PTGFRN: variants seen among roughly 807,000 people sequenced by gnomAD.
PTGFRN encodes the protein prostaglandin F2 receptor inhibitor.
A neutral mutation model predicts 83.2 loss-of-function variants in PTGFRN; 35 were observed. The ratio of observed to expected loss-of-function variants is 0.42; its 90% CI spans 0.32 to 0.56. PTGFRN has a LOEUF of 0.56. Ranked by LOEUF, PTGFRN falls within the 20% of genes least tolerant of loss-of-function variation. PTGFRN has a pLI of 0.11. For synonymous variants in PTGFRN, 519 were observed against 498.6 expected, an observed-to-expected ratio of 1.04 and a Z score of -0.55; for missense variants, 1,051 against 1,179.5, an observed-to-expected ratio of 0.89 and a Z score of 1.60.
rs1651059791 is a variant in PTGFRN, at chr1:116,973,462, G to A, written c.2060-754G>A. The stretch of plus-strand genomic sequence containing the variant: ...TCTACTAAAAATACAAAAATTTGCG[G>A]GGCGTAGTGGCATGTGCCTGTAATC... On this transcript the variant is annotated intron_variant, in intron 6 of 8. Transcript: ENST00000393203. Among the ~76,000 whole-genome samples the A allele has an allele frequency of 2.6e-5, 4 of 151,858 alleles. No individual in the cohort carries two copies. In the South Asian group the frequency reaches 8.4e-4, roughly 32 times the overall value.
chr1:116,974,339 C>G lies in PTGFRN; in HGVS notation c.2167+16C>G. The G allele has an allele frequency of 1.3e-6, 2 of 1,533,190 alleles. No individual in the cohort carries two copies. The highest frequency in any genetic ancestry group is 1.8e-6 in the Non-Finnish European group (2 of 1,107,508). The allele number at this position is 1,533,190 out of a possible 1,614,324, so 95.0% of individuals were successfully genotyped here. On this transcript the variant is annotated intron_variant, in intron 7 of 8. Coordinates refer to ENST00000393203, the MANE Select transcript of PTGFRN (RefSeq NM_020440.4). ...CTGGATCCAGGTACCTCACTCCATC[C>G]TCACCCCTTCACCATGTTGCTTTCT...
At chr1:116,931,879 G>A (rs1486211677) in intron 1 of PTGFRN, among the ~76,000 whole-genome samples, 7 of 152,172 alleles carry the variant, frequency 4.6e-5, no homozygotes, top group East Asian at 1.9e-4. Context: ...GTAAGGACTC[G>A]GGAAGTGGGA....
At chr1:116,983,032 A>C in intron 7 of PTGFRN, among the ~76,000 whole-genome samples, 1 of 152,118 alleles carries the variant, frequency 6.6e-6, no homozygotes, top group East Asian at 1.9e-4. Context: ...TGAGCTGTGG[A>C]GATAATGTTG....
At chr1:116,942,946 G>A (rs892861710) in intron 2 of PTGFRN, among the ~76,000 whole-genome samples, 1 of 152,124 alleles carries the variant, frequency 6.6e-6, no homozygotes, top group Non-Finnish European at 1.5e-5. Context: ...ATTAGTAAAC[G>A]AGCAAGAACA....
chr1:116,980,744 T>C (rs538328021), intron 7 of PTGFRN, among the ~76,000 whole-genome samples: 15 of 152,276 alleles, frequency 9.9e-5, no homozygotes, highest in Admixed American at 6.5e-4. Context: ...TTAGGAGATA[T>C]ACCTAATGTA....
intron 7 of PTGFRN, among the ~76,000 whole-genome samples, chr1:116,978,048 C>A (rs986487486): frequency 1.3e-5 from 2 of 152,238 alleles, no homozygotes; most frequent in African/African-American, 4.8e-5. Flanking sequence ...GATATCACCA[C>A]TGATCCCACA....
intron 8 of PTGFRN, among the ~76,000 whole-genome samples, chr1:116,985,603 GAGGCT>G (rs1480161413): frequency 6.6e-6 from 1 of 152,046 alleles, no homozygotes; most frequent in Non-Finnish European, 1.5e-5. Context: ...CAGCTACTCG[GAGGCT>G]GAAGCAGGAG....
rs746038185 is a variant in PTGFRN, at chr1:116,961,748, C to G, written c.1639+80C>G. Reference sequence around the variant, plus strand: ...CGCTGTGTGTTGATGCACAGTCACCCTCTGCAGGTTATCACTTACACTAGG... The same window carrying G: ...CGCTGTGTGTTGATGCACAGTCACCGTCTGCAGGTTATCACTTACACTAGG... On this transcript the variant is annotated intron_variant, in intron 5 of 8. Transcript: ENST00000393203. The surrounding 1 kb of genome is among the most constrained non-coding windows in gnomAD (Gnocchi z 5.4). 3.9e-5 allele frequency: 52 copies of G among 1,325,180 alleles called. 1 individual carries two copies. The highest frequency in any genetic ancestry group is 5.3e-5 in the Non-Finnish European group (51 of 968,850). 82.1% of individuals were successfully genotyped at this position (1,325,180 alleles called of 1,614,324 possible).
At chr1:116,936,505 A>AGG (rs1387991914) in intron 1 of PTGFRN, among the ~76,000 whole-genome samples, 1 of 152,204 alleles carries the variant, frequency 6.6e-6, no homozygotes, top group Non-Finnish European at 1.5e-5. Flanking sequence ...ACATGAAGGA[A>AGG]GGAGTACCTA....
intron 7 of PTGFRN, among the ~76,000 whole-genome samples, chr1:116,975,772 A>G (rs1336351543): frequency 6.6e-6 from 1 of 152,212 alleles, no homozygotes; most frequent in Non-Finnish European, 1.5e-5. Context: ...AAAGATGGGG[A>G]AAAAACAGAG....
chr1:116,925,070 G>A (rs1649619855), intron 1 of PTGFRN, among the ~76,000 whole-genome samples: 1 of 152,160 alleles, frequency 6.6e-6, no homozygotes, highest in Non-Finnish European at 1.5e-5. Context: ...TTGATGATGA[G>A]TAGGTTTTTG....
intron 4 of PTGFRN, among the ~76,000 whole-genome samples, chr1:116,951,960 A>G (rs1490668329): frequency 6.6e-6 from 1 of 152,190 alleles, no homozygotes; most frequent in Non-Finnish European, 1.5e-5. Context: ...CAACCTGACA[A>G]GCACTCTGTT....
At chr1:116,945,823 CATAAAA>C (rs1650188995) in intron 3 of PTGFRN, among the ~76,000 whole-genome samples, 2 of 148,944 alleles carry the variant, frequency 1.3e-5, no homozygotes, top group Non-Finnish European at 3.0e-5. Flanking sequence ...TTAGAAAACA[CATAAAA>C]ATAAAAGGAA....
At chr1:116,947,942 T>C (rs1289588315) in intron 3 of PTGFRN, among the ~76,000 whole-genome samples, 2 of 152,254 alleles carry the variant, frequency 1.3e-5, no homozygotes, top group African/African-American at 4.8e-5. Flanking sequence ...TTCTGTCTTC[T>C]GTCTAGCTGG....
intron 1 of PTGFRN, among the ~76,000 whole-genome samples, 181 bp downstream of exon 1, chr1:116,910,433 G>A (rs1649237206): frequency 6.6e-6 from 1 of 150,638 alleles, no homozygotes; most frequent in Admixed American, 6.6e-5. Flanking sequence ...GCCGCCCGGA[G>A]CCTGGCGCGA....
At position 116,910,053 on chromosome 1, in the gene PTGFRN, C is replaced by T. The variant is rs935681672; in HGVS notation, c.-151C>T. ...CCAGGGGCGCACGTACGCCCCAGCG[C>T]TGGGATTTATCGGCTCGCGAGGAGA... is the stretch of plus-strand genomic sequence containing the variant. On this transcript the variant is annotated 5_prime_UTR_variant, in exon 1 of 9. Coordinates refer to ENST00000393203, the MANE Select transcript of PTGFRN (RefSeq NM_020440.4). 2.7e-4 allele frequency: 229 copies of T among 859,694 alleles called. No homozygotes were observed. Among genetic ancestry groups the T allele is most frequent in the Non-Finnish European group, 3.9e-4 (212 of 541,556 alleles). The allele number at this position is 859,694 out of a possible 1,614,324, so 53.3% of individuals were successfully genotyped here. A position where few individuals can be genotyped will look rare whatever the true frequency, so the allele number is the denominator to read the frequency against.
At chr1:116,914,204 C>T (rs556469529) in intron 1 of PTGFRN, among the ~76,000 whole-genome samples, 1 of 152,296 alleles carries the variant, frequency 6.6e-6, no homozygotes, top group East Asian at 1.9e-4. Context: ...CTTTGGTAGT[C>T]GTCATCACCA....
At chr1:116,945,191 A>G in intron 3 of PTGFRN, 99 bp downstream of exon 3, 1 of 1,430,692 alleles carries the variant, frequency 7.0e-7, no homozygotes, top group Non-Finnish European at 9.3e-7. Context: ...TCTGACAAGA[A>G]CTGTTTCTGC....
At chr1:116,925,282 G>C (rs1649628713) in intron 1 of PTGFRN, among the ~76,000 whole-genome samples, 1 of 151,994 alleles carries the variant, frequency 6.6e-6, no homozygotes, top group South Asian at 2.1e-4. Flanking sequence ...ACAAAAATTA[G>C]CTGGGCATGG....
Sources: gnomAD v4.1 joint callset for allele counts (sites outside exome capture counted in the v4.1 genomes callset) on GRCh38, gnomAD v4.1.1 for gene constraint, Gnocchi (gnomAD v3.1) non-coding constraint, MANE v1.5 for transcripts, NCBI Gene and HGNC (gene_info 2026-07-23, HGNC 2026-07-21) for gene names.